The following RERE variants were observed in gnomAD, a reference collection of about 807,000 sequenced individuals.
RERE encodes the protein arginine-glutamic acid dipeptide repeats, also known as arginine-glutamic acid dipeptide repeats protein.
RERE carries 40 observed loss-of-function variants against 146.1 expected under a neutral mutation model. The ratio of observed to expected loss-of-function variants is 0.27; its 90% CI spans 0.21 to 0.36. RERE has a LOEUF of 0.36. Ranked by LOEUF, RERE falls within the 10% of genes least tolerant of loss-of-function variation. The probability of loss-of-function intolerance (pLI) is 1.00; values close to 1 mark genes in which losing one functional copy is unlikely to be tolerated. For synonymous variants in RERE, 1,003 were observed against 866.0 expected (o/e 1.16, Z -2.78); for missense variants, 1,933 against 2,138.7 (o/e 0.90, Z 1.90).
chr1:8,759,586 G>T (rs1262472714), intron 1 of RERE, among the ~76,000 whole-genome samples: 1 of 152,164 alleles, frequency 6.6e-6, no homozygotes, highest in Non-Finnish European at 1.5e-5. Flanking sequence ...GGAGAATACG[G>T]TTTAGCACAG....
At chr1:8,431,073 G>A (rs1035080270) in intron 11 of RERE, among the ~76,000 whole-genome samples, 1 of 152,124 alleles carries the variant, frequency 6.6e-6, no homozygotes, top group Admixed American at 6.5e-5. Context: ...TTACCCTTAC[G>A]TTACTACTGG....
chr1:8,620,308 AG>A (rs1288891198), intron 3 of RERE, among the ~76,000 whole-genome samples: 1 of 152,194 alleles, frequency 6.6e-6, no homozygotes, highest in African/African-American at 2.4e-5. Context: ...AGGAGAGTCA[AG>A]GAAGAGACGG....
At chr1:8,483,315 G>A (rs911754525) in intron 10 of RERE, among the ~76,000 whole-genome samples, 2 of 152,170 alleles carry the variant, frequency 1.3e-5, no homozygotes, top group African/African-American at 4.8e-5. Context: ...ACATGCTTAG[G>A]GAAAACTTAT....
At chr1:8,581,470 A>G (rs1165364597) in intron 4 of RERE, among the ~76,000 whole-genome samples, 1 of 152,088 alleles carries the variant, frequency 6.6e-6, no homozygotes, top group Non-Finnish European at 1.5e-5. Flanking sequence ...ATGAATTCCA[A>G]TTTTTTTCAT....
intron 1 of RERE, among the ~76,000 whole-genome samples, chr1:8,801,270 G>C (rs1159886968): frequency 1.2e-5 from 1 of 83,336 alleles, no homozygotes; most frequent in East Asian, 2.1e-4. Context: ...AAAAAAAATT[G>C]TTCTTTTTTT....
chr1:8,397,999 G>T (rs1643113118), intron 12 of RERE, among the ~76,000 whole-genome samples: 1 of 152,226 alleles, frequency 6.6e-6, no homozygotes, highest in Non-Finnish European at 1.5e-5. Context: ...AAAGGGAGGT[G>T]TAAGATAGAA....
chr1:8,583,696 T>C (rs1022271176), intron 4 of RERE, among the ~76,000 whole-genome samples: 2 of 151,748 alleles, frequency 1.3e-5, no homozygotes, highest in Non-Finnish European at 2.9e-5. Flanking sequence ...TTAAATTAAT[T>C]AAATAATTTA....
chr1:8,507,594 G>A (rs1271257141), intron 8 of RERE, among the ~76,000 whole-genome samples: 2 of 151,718 alleles, frequency 1.3e-5, no homozygotes, highest in African/African-American at 2.4e-5. Context: ...TTTTTAGTAG[G>A]GATGGAGTTT....
At chr1:8,744,652 A>C (rs1208173263) in intron 1 of RERE, among the ~76,000 whole-genome samples, 1 of 152,252 alleles carries the variant, frequency 6.6e-6, no homozygotes, top group Non-Finnish European at 1.5e-5. Flanking sequence ...ATGACCTTCA[A>C]ACTTTAGCGA....
In RERE at chr1:8,668,924, C is replaced by CTGTGTGTGTGTGTGTG. The variant is rs58718828; in HGVS notation, c.-144-12499_-144-12484dup. ...TGAATATTCTAAAATGCACTAAACT[C>CTGTGTGTGTGTGTGTG]TGTGTGTGTGTGTGTGTGTGTGTGT... On this transcript the variant is annotated intron_variant, in intron 1 of 22. Coordinates refer to ENST00000400908, the MANE Select transcript of RERE (RefSeq NM_001042681.2). Among the ~76,000 whole-genome samples, 503 of 83,210 alleles carry CTGTGTGTGTGTGTGTG rather than the reference C, an allele frequency of 6.0e-3. 53 individuals carry two copies. The highest frequency in any genetic ancestry group is 8.3e-3 in the South Asian group (20 of 2,420). The allele number at this position is 83,210 out of a possible 152,430, so 54.6% of individuals were successfully genotyped here.
intron 12 of RERE, among the ~76,000 whole-genome samples, chr1:8,388,227 AG>A (rs1036879763): frequency 6.6e-6 from 1 of 152,086 alleles, no homozygotes; most frequent in Admixed American, 6.6e-5. Context: ...AAGGAAAAGG[AG>A]GGGGGTTATA....
intron 1 of RERE, among the ~76,000 whole-genome samples, chr1:8,741,001 G>A (rs924790223): frequency 1.3e-5 from 2 of 152,186 alleles, no homozygotes; most frequent in Admixed American, 1.3e-4. Flanking sequence ...ATTACGTACT[G>A]TCCACGATTG....
At chr1:8,401,692 C>T (rs972138508) in intron 12 of RERE, among the ~76,000 whole-genome samples, 6 of 149,220 alleles carry the variant, frequency 4.0e-5, no homozygotes, top group African/African-American at 5.0e-5. Context: ...CCTGGGAGGT[C>T]GAGGCTGCAG....
intron 1 of RERE, among the ~76,000 whole-genome samples, chr1:8,722,581 C>T (rs1344212599): frequency 6.6e-6 from 1 of 152,170 alleles, no homozygotes; most frequent in Non-Finnish European, 1.5e-5. Context: ...TTTCAACCAA[C>T]CACGGACTGA....
chr1:8,559,280 CAAAAAAAAAAAAAAAA>C (rs548075266), intron 4 of RERE, among the ~76,000 whole-genome samples: 2 of 12,086 alleles, frequency 1.7e-4, no homozygotes, highest in African/African-American at 5.4e-4. Context: ...AACTCCAGCT[CAAAAAAAAAAAAAAAA>C]AAAAAAAACA....
intron 1 of RERE, among the ~76,000 whole-genome samples, chr1:8,813,633 T>TA (rs1420411411): frequency 2.4e-5 from 3 of 126,750 alleles, no homozygotes; most frequent in African/African-American, 8.5e-5. Flanking sequence ...TTTTTTTTTT[T>TA]AGACAGAGTC....
chr1:8,561,400 A>G (rs936210543), intron 4 of RERE, among the ~76,000 whole-genome samples: 1 of 152,228 alleles, frequency 6.6e-6, no homozygotes, highest in Non-Finnish European at 1.5e-5. Context: ...TGAAAAGTCC[A>G]TAAAGGGAGG....
chr1:8,383,490 G>C (rs1642526289), intron 12 of RERE, among the ~76,000 whole-genome samples: 1 of 152,084 alleles, frequency 6.6e-6, no homozygotes, highest in African/African-American at 2.4e-5. Context: ...AAGGGACTTA[G>C]AACATCCCAT....
chr1:8,704,111 C>T (rs1238250038), intron 1 of RERE, among the ~76,000 whole-genome samples: 1 of 152,102 alleles, frequency 6.6e-6, no homozygotes, highest in African/African-American at 2.4e-5. Context: ...TTCCAAACTC[C>T]CTCATTAATT....
Sources: gnomAD v4.1 joint callset for allele counts (sites outside exome capture counted in the v4.1 genomes callset) on GRCh38, gnomAD v4.1.1 for gene constraint, MANE v1.5 for transcripts, NCBI Gene and HGNC (gene_info 2026-07-23, HGNC 2026-07-21) for gene names.